Variants in TOMM20L observed in about 807,000 individuals in gnomAD.
TOMM20L encodes translocase of outer mitochondrial membrane 20 like, also known as TOMM20-like protein 1.
In TOMM20L, 19 loss-of-function variants were observed where a neutral mutation model predicts 20.4. The observed-to-expected ratio is 0.93, with a 90% CI of 0.65 to 1.36. The LOEUF (loss-of-function observed/expected upper bound fraction) is 1.36. Among genes scored for constraint, TOMM20L ranks in the 40% most tolerant of loss-of-function variants. The pLI, the probability that TOMM20L is intolerant of heterozygous loss-of-function variation, is 0.00. For missense variants in TOMM20L, 218 were observed against 203.7 expected (o/e 1.07, Z -0.43); for synonymous variants, 75 against 79.6 (o/e 0.94, Z 0.30).
intron 4 of TOMM20L, 31 bp downstream of exon 4, chr14:58,407,499 T>C: frequency 6.3e-7 from 1 of 1,596,792 alleles, no homozygotes; most frequent in Non-Finnish European, 8.5e-7. Context: ...CTTTGTGAAA[T>C]GTACACAGTA....
At chr14:58,396,127 CGGGCAGCGCGGGCGGGCT>C (rs936307300) in intron 1 of TOMM20L, 34 bp downstream of exon 1, 16 of 1,276,218 alleles carry the variant, frequency 1.3e-5, no homozygotes, top group South Asian at 3.1e-5. Flanking sequence ...GCGGCCGGGC[CGGGCAGCGCGGGCGGGCT>C]GCCGGCCGGG....
At chr14:58,411,799 C>T (rs956544298), downstream of TOMM20L, 15 of 1,011,552 alleles carry the variant, frequency 1.5e-5, no homozygotes, top group Non-Finnish European at 2.0e-5. Flanking sequence ...GGCCTCCCAA[C>T]GTGCTGGGAT....
downstream of TOMM20L, chr14:58,410,972 GT>G: frequency 2.7e-6 from 4 of 1,499,230 alleles, no homozygotes; most frequent in South Asian, 2.4e-5. Flanking sequence ...TTAGTATTTG[GT>G]TTTTAAAACA....
chr14:58,401,118 A>G (rs915840309), intron 2 of TOMM20L, among the ~76,000 whole-genome samples: 38 of 152,222 alleles, frequency 2.5e-4, no homozygotes, highest in African/African-American at 9.1e-4. Context: ...CTTTCCCTTT[A>G]TTAGACTGTG....
intron 3 of TOMM20L, 151 bp from the exon 4 acceptor site, chr14:58,407,175 A>G (rs1434634565): frequency 1.5e-6 from 1 of 657,920 alleles, no homozygotes. Context: ...CATCTTCCTC[A>G]TATTTGTACT....
At chr14:58,408,778 T>C, downstream of TOMM20L, 1 of 689,118 alleles carries the variant, frequency 1.5e-6, no homozygotes, top group Non-Finnish European at 2.3e-6. Context: ...TCTAATCAAG[T>C]GACCAAGCTG....
intron 3 of TOMM20L, among the ~76,000 whole-genome samples, chr14:58,407,095 A>G (rs2036070688): frequency 6.6e-6 from 1 of 152,228 alleles, no homozygotes; most frequent in African/African-American, 2.4e-5. Context: ...TATACTTCTA[A>G]ACAGTAAGAG....
At chr14:58,415,369 A>C in the TOMM20L span, among the ~76,000 whole-genome samples, 3 of 152,252 alleles carry the variant, frequency 2.0e-5, no homozygotes, top group Non-Finnish European at 2.9e-5. Flanking sequence ...TGAATTAAAA[A>C]AAGACAACAG....
chr14:58,403,946 A>G (rs935189921), intron 3 of TOMM20L, among the ~76,000 whole-genome samples: 1 of 148,918 alleles, frequency 6.7e-6, no homozygotes. Context: ...TAATATTATT[A>G]TTGTATAAAT....
chr14:58,402,780 T>C lies in TOMM20L; in HGVS notation c.262+19T>C. On this transcript the variant is annotated intron_variant, in intron 3 of 4. Coordinates refer to ENST00000360945, the MANE Select transcript of TOMM20L (RefSeq NM_207377.3). The stretch of plus-strand genomic sequence containing the variant: ...TCTAGAGGTAAGAATGTAAATGTTC[T>C]TTTGTGAGTTATGACAGCTTATACT... 1 of 1,560,536 alleles carries C rather than the reference T, an allele frequency of 6.4e-7. No homozygotes were observed.
At chr14:58,396,645 G>T (rs962095020) in intron 2 of TOMM20L, among the ~76,000 whole-genome samples, 7 of 152,224 alleles carry the variant, frequency 4.6e-5, no homozygotes, top group African/African-American at 1.4e-4. Context: ...TGTCAGAGCC[G>T]CACAGGACAC....
downstream of TOMM20L, among the ~76,000 whole-genome samples, chr14:58,409,913 G>A (rs559740410): frequency 5.3e-5 from 8 of 152,132 alleles, no homozygotes; most frequent in East Asian, 7.8e-4. Flanking sequence ...TTCTCTCTCT[G>A]TTGCCCAGGG....
chr14:58,402,863 C>T (rs1406551853), intron 3 of TOMM20L, 102 bp downstream of exon 3: 1 of 815,096 alleles, frequency 1.2e-6, no homozygotes, highest in Non-Finnish European at 2.0e-6. Flanking sequence ...ATGTGTTAGC[C>T]AACTCCCCTC....
intron 3 of TOMM20L, 74 bp from the exon 4 acceptor site, chr14:58,407,252 G>A: frequency 7.0e-7 from 1 of 1,426,724 alleles, no homozygotes; most frequent in Non-Finnish European, 9.5e-7. Flanking sequence ...AATGCTTGTT[G>A]CTTTCTTGGA....
chr14:58,401,502 G>A lies in TOMM20L; in HGVS notation c.181-1178G>A, dbSNP rs369583889. Among the ~76,000 whole-genome samples the A allele has an allele frequency of 5.9e-5, 9 of 151,428 alleles. 1 individual carries two copies. The highest frequency in any genetic ancestry group is 1.3e-4 in the Admixed American group (2 of 15,232). On this transcript the variant is annotated intron_variant, in intron 2 of 4. Coordinates refer to ENST00000360945, the MANE Select transcript of TOMM20L (RefSeq NM_207377.3). ...GGAGAATGGCGTGAACCTGGGAGGC[G>A]GAGCTTGCAGTGAGCTGAGATTGCA... is the stretch of plus-strand genomic sequence containing the variant.
Position 58,396,029 on chromosome 14 carries a change from C to A in TOMM20L, c.72C>A (p.Gly24=). The change falls in exon 1 of 5, where the codon GGC becomes GGA. Residue 24 remains glycine (G), a synonymous_variant. Coordinates refer to ENST00000360945, the MANE Select transcript of TOMM20L (RefSeq NM_207377.3). Reference sequence around the variant, plus strand: ...CCTGTGGCGCCTTCGCCTTCCTGGGCTATTGTATTTACCTCAACCGGAAGC... The same window carrying A: ...CCTGTGGCGCCTTCGCCTTCCTGGGATATTGTATTTACCTCAACCGGAAGC... The part of the protein sequence containing the change: ...AAACGAFAFL[G]YCIYLNRKRR... 1 of 1,450,688 alleles carries A rather than the reference C, an allele frequency of 6.9e-7. No homozygotes were observed. Among genetic ancestry groups the A allele is most frequent in the Non-Finnish European group, 9.1e-7 (1 of 1,096,566 alleles). 89.9% of individuals were successfully genotyped at this position (1,450,688 alleles called of 1,614,324 possible).
At chr14:58,406,578 G>T (rs1486178211) in intron 3 of TOMM20L, among the ~76,000 whole-genome samples, 1 of 152,092 alleles carries the variant, frequency 6.6e-6, no homozygotes, top group Admixed American at 6.6e-5. Flanking sequence ...CTAGTCTCAA[G>T]GGTCAGAAAA....
intron 2 of TOMM20L, among the ~76,000 whole-genome samples, chr14:58,397,131 C>T (rs773019047): frequency 2.0e-5 from 3 of 152,240 alleles, no homozygotes; most frequent in Non-Finnish European, 2.9e-5. Context: ...TGGCCACAAG[C>T]AATCCGCAGT....
rs1253464673 is a variant in TOMM20L at position 58,408,359 on chromosome 14, G to C, written c.406-170G>C. 5.4e-5 allele frequency: 32 copies of C among 587,726 alleles called. No individual in the cohort carries two copies. In the East Asian group the frequency reaches 9.7e-4, roughly 18 times the overall value. The allele number at this position is 587,726 out of a possible 1,614,324, so 36.4% of individuals were successfully genotyped here. A position where few individuals can be genotyped will look rare whatever the true frequency, so the allele number is the denominator to read the frequency against. On this transcript the variant is annotated intron_variant, in intron 4 of 4. Coordinates refer to ENST00000360945, the MANE Select transcript of TOMM20L (RefSeq NM_207377.3). ...TTGAACTGGGGAGGTGGAGGTTGCA[G>C]TGAGCTGAGATTGTGCCGTTGCACT... is the stretch of plus-strand genomic sequence containing the variant.
Sources: allele counts gnomAD v4.1 joint callset (sites outside exome capture counted in the v4.1 genomes callset), GRCh38; gene constraint gnomAD v4.1.1; transcripts MANE v1.5; gene names NCBI Gene and HGNC (gene_info 2026-07-23, HGNC 2026-07-21).